Variants in TMEM63C observed in about 807,000 individuals in gnomAD.
TMEM63C encodes osmosensitive cation channel TMEM63C.
A neutral mutation model predicts 99.2 loss-of-function variants in TMEM63C; 32 were observed. That is an observed-to-expected ratio of 0.32 (90% CI 0.24 to 0.43). The LOEUF (loss-of-function observed/expected upper bound fraction) is 0.43. TMEM63C is among the 20% of genes least tolerant of loss of function. TMEM63C has a pLI of 1.00. For synonymous variants in TMEM63C, 376 were observed against 397.9 expected (o/e 0.94, Z 0.66); for missense variants, 826 against 1,053.0 (o/e 0.78, Z 2.98).
chr14:77,193,834 CA>C (rs11337848), intron 1 of TMEM63C, among the ~76,000 whole-genome samples: 44,600 of 131,904 alleles, frequency 0.34, 6,848 homozygotes, highest in Admixed American at 0.43. Context: ...AACTCCGTCT[CA>C]AAAAAAAAAA....
intron 2 of TMEM63C, among the ~76,000 whole-genome samples, chr14:77,217,576 G>T (rs986394787): frequency 6.6e-6 from 1 of 152,232 alleles, no homozygotes; most frequent in Non-Finnish European, 1.5e-5. Context: ...TAGAGGTGAG[G>T]TCTGAAGGCA....
At chr14:77,210,448 A>G (rs565069008) in intron 1 of TMEM63C, among the ~76,000 whole-genome samples, 1 of 152,326 alleles carries the variant, frequency 6.6e-6, no homozygotes, top group South Asian at 2.1e-4. Context: ...GAGGAGTTTG[A>G]GGATGGTATG....
chr14:77,229,493 G>A (rs2140117073), intron 6 of TMEM63C, among the ~76,000 whole-genome samples: 1 of 151,562 alleles, frequency 6.6e-6, no homozygotes, highest in Admixed American at 6.6e-5. Context: ...GGTCACCCAG[G>A]CTGGAGTGCA....
intron 17 of TMEM63C, 41 bp downstream of exon 17, chr14:77,246,067 C>T (rs373469020): frequency 6.7e-7 from 1 of 1,502,418 alleles, no homozygotes; most frequent in Non-Finnish European, 9.3e-7. Flanking sequence ...TAGCCAGGCT[C>T]TCTTAGAGTT....
intron 8 of TMEM63C, 23 bp downstream of exon 8, chr14:77,233,523 C>G: frequency 6.2e-7 from 1 of 1,612,274 alleles, no homozygotes; most frequent in Non-Finnish European, 8.5e-7. Context: ...TCTTAACCTC[C>G]CATTCCATTG....
intron 1 of TMEM63C, among the ~76,000 whole-genome samples, chr14:77,202,059 C>G (rs1047358330): frequency 6.6e-6 from 1 of 152,224 alleles, no homozygotes; most frequent in African/African-American, 2.4e-5. Context: ...GCAGCAGGGG[C>G]CCCAGGGCAG....
In TMEM63C at chr14:77,239,454, C is replaced by T. The variant is rs370130379; in HGVS notation, c.768C>T (p.Cys256=). The T allele has an allele frequency of 3.7e-6, 6 of 1,613,698 alleles. No individual in the cohort carries two copies. Among genetic ancestry groups the T allele is most frequent in the Non-Finnish European group, 5.1e-6 (6 of 1,179,888 alleles). ...GTGTCGTGACAAGAGTCCACTTCTG[C>T]TACGACGTCAGGAACCTGATCGACT... is the stretch of plus-strand genomic sequence containing the variant. The part of the protein sequence containing the change: ...PGSVVTRVHF[C]YDVRNLIDLD... Residue 256 remains cysteine (C), a synonymous_variant, in exon 11 of 24, where the codon TGC becomes TGT. Coordinates refer to ENST00000298351, the MANE Select transcript of TMEM63C (RefSeq NM_020431.4).
At chr14:77,223,014 G>A (rs1024614487) in intron 5 of TMEM63C, among the ~76,000 whole-genome samples, 3 of 152,064 alleles carry the variant, frequency 2.0e-5, no homozygotes, top group South Asian at 2.1e-4. Context: ...CTAAGTAAGC[G>A]GAGCCAAATT....
rs1335540388 is a variant in TMEM63C at position 77,248,509 on chromosome 14, G to A, written c.1764G>A (p.Lys588=). ...RSEPERVNIR[K]NQAIDFQFGR... is the part of the protein sequence containing the mutation. The stretch of plus-strand genomic sequence containing the variant: ...AGCCAGAGAGAGTCAACATCAGAAA[G>A]GTACAGACTGGCTCTCCGCTGAGCA... The change falls in exon 19 of 24, where the codon AAG becomes AAA. Residue 588 remains lysine (K), a splice_region_variant and synonymous_variant. Transcript: ENST00000298351. 2.5e-6 allele frequency: 4 copies of A among 1,578,838 alleles called. No individual in the cohort carries two copies. The highest frequency in any genetic ancestry group is 3.7e-5 in the Admixed American group (2 of 54,320).
chr14:77,182,381 C>T (rs1566613130), intron 1 of TMEM63C, among the ~76,000 whole-genome samples: 3 of 152,216 alleles, frequency 2.0e-5, no homozygotes, highest in Admixed American at 6.5e-5. Flanking sequence ...GCGGGCTGGG[C>T]TCCTGGGCCC....
chr14:77,191,812 G>A lies in TMEM63C; in HGVS notation c.-77+9918G>A, dbSNP rs566744508. On this transcript the variant is annotated intron_variant, in intron 1 of 23. Transcript: ENST00000298351. ...GCCTGCCTCGGCCTCCCAAAGTGCC[G>A]GGATTACAGGCATGAGCCACCAAGC... 4.3e-3 allele frequency among the ~76,000 whole-genome samples: 650 copies of A among 152,094 alleles called. 5 individuals carry two copies. The highest frequency in any genetic ancestry group is 7.6e-3 in the Non-Finnish European group (519 of 67,980).
intron 1 of TMEM63C, among the ~76,000 whole-genome samples, chr14:77,182,324 C>T (rs946040611): frequency 1.2e-4 from 18 of 152,164 alleles, no homozygotes; most frequent in African/African-American, 4.1e-4. Flanking sequence ...GGGCAGTCTG[C>T]TCCGCCGTTA....
At chr14:77,208,407 G>A (rs929279486) in intron 1 of TMEM63C, among the ~76,000 whole-genome samples, 3 of 152,180 alleles carry the variant, frequency 2.0e-5, no homozygotes, top group Admixed American at 6.5e-5. Context: ...GGGAGCCAGA[G>A]ACTGGGCATT....
At chr14:77,199,493 C>T (rs1888262439) in intron 1 of TMEM63C, among the ~76,000 whole-genome samples, 2 of 152,164 alleles carry the variant, frequency 1.3e-5, no homozygotes, top group Non-Finnish European at 2.9e-5. Flanking sequence ...CAGAACAGTC[C>T]ACTCTCTGTT....
At chr14:77,247,270 G>A (rs937192024) in intron 18 of TMEM63C, among the ~76,000 whole-genome samples, 29 of 151,908 alleles carry the variant, frequency 1.9e-4, no homozygotes, top group South Asian at 8.3e-4. Context: ...GCGCAATCTC[G>A]GCTCACTACA....
intron 13 of TMEM63C, among the ~76,000 whole-genome samples, chr14:77,240,828 C>T (rs1889157319): frequency 6.6e-6 from 1 of 152,214 alleles, no homozygotes; most frequent in South Asian, 2.1e-4. Context: ...GCCGGGGCTC[C>T]TCACTCCCTG....
chr14:77,194,553 C>CTTTCTTTCTTTCTTTT (rs56115104), intron 1 of TMEM63C, among the ~76,000 whole-genome samples: 2 of 125,148 alleles, frequency 1.6e-5, no homozygotes, highest in African/African-American at 6.4e-5. Context: ...TTCTTTCTTT[C>CTTTCTTTCTTTCTTTT]TCTTTCTTTC....
At chr14:77,237,693 C>G (rs1407643144) in intron 9 of TMEM63C, among the ~76,000 whole-genome samples, 1 of 152,236 alleles carries the variant, frequency 6.6e-6, no homozygotes, top group Non-Finnish European at 1.5e-5. Context: ...TGCCCCAAGG[C>G]CGGGAAAGAG....
intron 1 of TMEM63C, among the ~76,000 whole-genome samples, chr14:77,186,078 C>G (rs1042798061): frequency 6.6e-6 from 1 of 151,752 alleles, no homozygotes; most frequent in Admixed American, 6.6e-5. Flanking sequence ...GTGGCACTAT[C>G]TCGGCTCACT....
Sources: allele counts gnomAD v4.1 joint callset (sites outside exome capture counted in the v4.1 genomes callset), GRCh38; gene constraint gnomAD v4.1.1; transcripts MANE v1.5; gene names NCBI Gene and HGNC (gene_info 2026-07-23, HGNC 2026-07-21).